Variants in CBFA2T2 observed in about 807,000 individuals in gnomAD.
CBFA2T2 encodes protein CBFA2T2.
In CBFA2T2, 11 loss-of-function variants were observed where a neutral mutation model predicts 62.2. The ratio of observed to expected loss-of-function variants is 0.18; its 90% CI spans 0.11 to 0.29. The LOEUF is 0.29. Ranked by LOEUF, CBFA2T2 falls within the 10% of genes least tolerant of loss-of-function variation. The pLI is 1.00. For missense variants in CBFA2T2, 592 were observed against 774.1 expected (o/e 0.76, Z 2.79); for synonymous variants, 295 against 287.5 (o/e 1.03, Z -0.27).
At chr20:33,505,963 G>A (rs901791860) in intron 1 of CBFA2T2, among the ~76,000 whole-genome samples, 1 of 152,004 alleles carries the variant, frequency 6.6e-6, no homozygotes, top group African/African-American at 2.4e-5. Flanking sequence ...GGTGGCGCAC[G>A]CCTGTAATCC....
intron 6 of CBFA2T2, among the ~76,000 whole-genome samples, chr20:33,625,328 A>G (rs1378821204): frequency 6.6e-6 from 1 of 152,066 alleles, no homozygotes. Context: ...TCTACAAAAA[A>G]TTTTAAAAAC....
At chr20:33,622,875 A>G (rs1239942110) in intron 4 of CBFA2T2, among the ~76,000 whole-genome samples, 1 of 152,252 alleles carries the variant, frequency 6.6e-6, no homozygotes, top group African/African-American at 2.4e-5. Context: ...TGCAAAGGTA[A>G]ATAAGGTACA....
Position 33,640,339 on chromosome 20 carries a change from A to G in CBFA2T2, c.1298-2A>G. ...GTTGATTTTACTGTCACTTTCTTCT[A>G]GAAGAAGCTGTGAATAAGGTGAAAA... On this transcript the variant is annotated splice_acceptor_variant, in intron 9 of 10. Coordinates refer to ENST00000342704, the MANE Select transcript of CBFA2T2 (RefSeq NM_001032999.3). LOFTEE classifies it high-confidence loss of function. The G allele has an allele frequency of 6.2e-7, 1 of 1,611,012 alleles. No individual in the cohort carries two copies. Among genetic ancestry groups the G allele is most frequent in the Non-Finnish European group, 8.5e-7 (1 of 1,177,744 alleles).
In CBFA2T2 at chr20:33,490,128, T is replaced by A. The variant is rs970754557; in HGVS notation, c.-140T>A. On this transcript the variant is annotated 5_prime_UTR_variant, in exon 1 of 11. Transcript: ENST00000342704. ...GCGGCGACGGCGACAGCAGCGGTGG[T>A]GGTGTCTGGTTAGCTCGGCGGCTGC... is the stretch of plus-strand genomic sequence containing the variant. 2.4e-5 allele frequency: 17 copies of A among 708,014 alleles called. No individual in the cohort carries two copies. The highest frequency in any genetic ancestry group is 3.0e-5 in the Non-Finnish European group (16 of 537,582). 43.9% of individuals were successfully genotyped at this position (708,014 alleles called of 1,614,324 possible). A position where few individuals can be genotyped will look rare whatever the true frequency, so the allele number is the denominator to read the frequency against.
intron 1 of CBFA2T2, among the ~76,000 whole-genome samples, chr20:33,591,859 G>C (rs2014657911): frequency 6.6e-6 from 1 of 151,318 alleles, no homozygotes; most frequent in South Asian, 2.1e-4. Context: ...GTGGCGGGGT[G>C]GGAGGGGGGG....
At chr20:33,635,888 A>C (rs903291532) in intron 8 of CBFA2T2, among the ~76,000 whole-genome samples, 2 of 151,948 alleles carry the variant, frequency 1.3e-5, no homozygotes, top group Admixed American at 6.6e-5. Flanking sequence ...TCACACACAA[A>C]AAAGTAATTT....
At chr20:33,587,579 T>C (rs1391760288) in intron 1 of CBFA2T2, among the ~76,000 whole-genome samples, 1 of 151,996 alleles carries the variant, frequency 6.6e-6, no homozygotes, top group Non-Finnish European at 1.5e-5. Flanking sequence ...TTTTGTACTT[T>C]TAGTAGAGAC....
chr20:33,548,625 A>G (rs1195275446), intron 1 of CBFA2T2, among the ~76,000 whole-genome samples: 1 of 152,062 alleles, frequency 6.6e-6, no homozygotes, highest in Non-Finnish European at 1.5e-5. Flanking sequence ...AATAAAACTC[A>G]TATTTTAGGC....
At chr20:33,638,596 A>ACTT (rs2016713388) in intron 9 of CBFA2T2, 3 of 152,216 alleles carry the variant, frequency 2.0e-5, no homozygotes, top group African/African-American at 7.2e-5. Flanking sequence ...CCAGAGCCAT[A>ACTT]AGATGGAAAG....
intron 8 of CBFA2T2, among the ~76,000 whole-genome samples, chr20:33,630,472 TCCCCAGCC>T (rs1325265788): frequency 6.6e-6 from 1 of 152,122 alleles, no homozygotes; most frequent in East Asian, 1.9e-4. Context: ...CCTCCTCCTG[TCCCCAGCC>T]CACCATTCAG....
intron 1 of CBFA2T2, among the ~76,000 whole-genome samples, chr20:33,602,331 C>T (rs1030082055): frequency 6.6e-6 from 1 of 151,158 alleles, no homozygotes; most frequent in Admixed American, 6.6e-5. Context: ...TCCTTGAGAC[C>T]TAAATTTTTC....
chr20:33,621,126 C>G (rs2015946416), intron 4 of CBFA2T2, among the ~76,000 whole-genome samples: 1 of 152,084 alleles, frequency 6.6e-6, no homozygotes. Flanking sequence ...GTTATTCTAT[C>G]TGCGCACCTG....
chr20:33,532,053 G>A (rs1306977851), intron 1 of CBFA2T2, among the ~76,000 whole-genome samples: 1 of 152,122 alleles, frequency 6.6e-6, no homozygotes, highest in African/African-American at 2.4e-5. Flanking sequence ...CCAATAAGCT[G>A]CAGTTACCAG....
chr20:33,536,258 G>A (rs1199676741), intron 1 of CBFA2T2, among the ~76,000 whole-genome samples: 11 of 147,062 alleles, frequency 7.5e-5, no homozygotes, highest in African/African-American at 2.2e-4. Context: ...GGGCAGAGGC[G>A]CCCCTCATCT....
At chr20:33,594,840 G>T (rs2014817643) in intron 1 of CBFA2T2, among the ~76,000 whole-genome samples, 2 of 152,178 alleles carry the variant, frequency 1.3e-5, no homozygotes, top group African/African-American at 4.8e-5. Context: ...TGTGGTAGGG[G>T]TGGCTTCCAT....
chr20:33,496,581 G>A (rs2011201283), intron 1 of CBFA2T2, among the ~76,000 whole-genome samples: 1 of 152,148 alleles, frequency 6.6e-6, no homozygotes, highest in Non-Finnish European at 1.5e-5. Context: ...AGTTAAAAGT[G>A]GAATGGTAAA....
chr20:33,624,201 A>G (rs780516141), intron 5 of CBFA2T2, among the ~76,000 whole-genome samples: 7 of 150,922 alleles, frequency 4.6e-5, no homozygotes, highest in Non-Finnish European at 1.0e-4. Flanking sequence ...AATATCAACA[A>G]TAGTGGATAG....
intron 1 of CBFA2T2, among the ~76,000 whole-genome samples, chr20:33,597,839 C>T (rs150523467): frequency 0.011 from 1,697 of 152,234 alleles, 35 homozygotes; most frequent in African/African-American, 0.039. Context: ...GGTCTCATAT[C>T]GGGGAATCTG....
chr20:33,539,590 C>T (rs2012354570), intron 1 of CBFA2T2, among the ~76,000 whole-genome samples: 1 of 152,046 alleles, frequency 6.6e-6, no homozygotes, highest in South Asian at 2.1e-4. Flanking sequence ...TATTATAGGT[C>T]CCTAAAATAA....
Sources: gnomAD v4.1 joint callset for allele counts (sites outside exome capture counted in the v4.1 genomes callset) on GRCh38, gnomAD v4.1.1 for gene constraint, MANE v1.5 for transcripts, NCBI Gene and HGNC (gene_info 2026-07-23, HGNC 2026-07-21) for gene names.